EIF4EBP1: variants seen among roughly 807,000 people sequenced by gnomAD.
The protein encoded by EIF4EBP1 is eukaryotic translation initiation factor 4E binding protein 1, also known as eukaryotic translation initiation factor 4E-binding protein 1.
In EIF4EBP1, 5 loss-of-function variants were observed where a neutral mutation model predicts 9.2. That is an observed-to-expected ratio of 0.54 (90% CI 0.28 to 1.14). The LOEUF is 1.14. Among genes scored for constraint, EIF4EBP1 ranks in the 50% most tolerant of loss-of-function variants. The pLI, the probability that EIF4EBP1 is intolerant of heterozygous loss-of-function variation, is 0.09. For missense variants in EIF4EBP1, 139 were observed against 169.6 expected (o/e 0.82, Z 1.00); for synonymous variants, 62 against 67.0 (o/e 0.93, Z 0.36).
At chr8:38,038,166 T>G (rs2130382166) in intron 1 of EIF4EBP1, among the ~76,000 whole-genome samples, 1 of 152,232 alleles carries the variant, frequency 6.6e-6, no homozygotes, top group East Asian at 1.9e-4. Context: ...TACGATGGTA[T>G]GAAAGTGATA....
chr8:38,060,026 T>C lies in EIF4EBP1; in HGVS notation c.*91T>C. 3 of 1,335,438 alleles carry C rather than the reference T, an allele frequency of 2.2e-6. No individual in the cohort carries two copies. Among genetic ancestry groups the C allele is most frequent in the South Asian group, 2.3e-5 (2 of 85,506 alleles). 82.7% of individuals were successfully genotyped at this position (1,335,438 alleles called of 1,614,324 possible). ...CAGCCAGGCCTTATGAAAGTGATCATACTGGGCAGGCGTTGGCGTGGGGTC... is the reference window on the plus strand; with the variant it reads ...CAGCCAGGCCTTATGAAAGTGATCACACTGGGCAGGCGTTGGCGTGGGGTC... On this transcript the variant is annotated 3_prime_UTR_variant, in exon 3 of 3. Transcript: ENST00000338825.
At chr8:38,034,166 C>T (rs1224251867) in intron 1 of EIF4EBP1, among the ~76,000 whole-genome samples, 2 of 152,102 alleles carry the variant, frequency 1.3e-5, no homozygotes, top group African/African-American at 4.8e-5. Flanking sequence ...CCTGCCTCAG[C>T]CTTGCAAGTA....
At chr8:38,058,953 G>A (rs1164995577) in intron 2 of EIF4EBP1, among the ~76,000 whole-genome samples, 8 of 152,074 alleles carry the variant, frequency 5.3e-5, no homozygotes, top group Admixed American at 5.2e-4. Flanking sequence ...GCATGGTGGT[G>A]CATGCCTGTA....
At chr8:38,048,572 G>A (rs373246000) in intron 1 of EIF4EBP1, among the ~76,000 whole-genome samples, 2 of 152,182 alleles carry the variant, frequency 1.3e-5, no homozygotes, top group East Asian at 1.9e-4. Context: ...AAGATTTGGA[G>A]TAACAGTTTG....
chr8:38,049,959 C>G (rs573192258), intron 1 of EIF4EBP1, among the ~76,000 whole-genome samples: 1 of 151,636 alleles, frequency 6.6e-6, no homozygotes, highest in African/African-American at 2.4e-5. Context: ...TCCCCAGGCC[C>G]GGAGTGCAGT....
intron 1 of EIF4EBP1, among the ~76,000 whole-genome samples, chr8:38,042,072 T>C (rs1234443559): frequency 6.6e-6 from 1 of 151,960 alleles, no homozygotes; most frequent in African/African-American, 2.4e-5. Flanking sequence ...GTGTTGAGCC[T>C]TCATTGCAGG....
intron 1 of EIF4EBP1, among the ~76,000 whole-genome samples, chr8:38,055,347 AAAAT>A (rs1809581665): frequency 1.3e-5 from 2 of 152,272 alleles, no homozygotes; most frequent in Admixed American, 1.3e-4. Flanking sequence ...TCAAAAAAGT[AAAAT>A]AAAGTGTAAG....
Position 38,041,826 on chromosome 8 carries a change from A to C in EIF4EBP1, c.145+11108A>C, listed in dbSNP as rs529531302. 3.1e-3 allele frequency among the ~76,000 whole-genome samples: 465 copies of C among 152,216 alleles called. 3 individuals carry two copies. The highest frequency in any genetic ancestry group is 5.2e-3 in the Non-Finnish European group (356 of 68,006). The stretch of plus-strand genomic sequence containing the variant: ...GGCAACATAGTGAGACCCTGTCTTT[A>C]CAAAAAAATTTTAAAACTAGCCAGG... On this transcript the variant is annotated intron_variant, in intron 1 of 2. Transcript: ENST00000338825.
rs754246125 is a variant in EIF4EBP1, at chr8:38,030,741, C to G, written c.145+23C>G. On this transcript the variant is annotated intron_variant, in intron 1 of 2. Transcript: ENST00000338825. The stretch of plus-strand genomic sequence containing the variant: ...GAGGTAGGCGCGGGCTTGGCGACGC[C>G]GCTTGCCGGCTCCTGGGCGGGCGGG... The G allele has an allele frequency of 7.3e-6, 10 of 1,374,500 alleles. No homozygotes were observed. In the East Asian group the frequency reaches 2.8e-4, roughly 38 times the overall value. The allele number at this position is 1,374,500 out of a possible 1,614,324, so 85.1% of individuals were successfully genotyped here.
In EIF4EBP1 at chr8:38,042,462, C is replaced by T. The variant is rs1809395207; in HGVS notation, c.145+11744C>T. 4.6e-5 allele frequency among the ~76,000 whole-genome samples: 7 copies of T among 152,254 alleles called. No individual in the cohort carries two copies. The South Asian group carries it at 1.4e-3, about 31-fold the overall frequency. On this transcript the variant is annotated intron_variant, in intron 1 of 2. Coordinates refer to ENST00000338825, the MANE Select transcript of EIF4EBP1 (RefSeq NM_004095.4). ...TTACTATGGCTGCCATAACAAAATA[C>T]CACAGATTGGGTGCTTTAAACAAAA...
At chr8:38,055,049 C>T (rs1472060304) in intron 1 of EIF4EBP1, among the ~76,000 whole-genome samples, 1 of 152,196 alleles carries the variant, frequency 6.6e-6, no homozygotes, top group East Asian at 1.9e-4. Context: ...GTATCACTGC[C>T]TCTCCTGCAA....
chr8:38,053,234 T>G (rs1293205129), intron 1 of EIF4EBP1, among the ~76,000 whole-genome samples: 1 of 151,910 alleles, frequency 6.6e-6, no homozygotes, highest in African/African-American at 2.4e-5. Flanking sequence ...ACCAGGCTGG[T>G]CTTGAACTCC....
chr8:38,051,282 C>T (rs1014444719), intron 1 of EIF4EBP1, among the ~76,000 whole-genome samples: 1 of 152,196 alleles, frequency 6.6e-6, no homozygotes, highest in African/African-American at 2.4e-5. Context: ...CCCATGAGAT[C>T]GTTGACCGCT....
chr8:38,041,090 G>A (rs1388868393), intron 1 of EIF4EBP1, among the ~76,000 whole-genome samples: 2 of 151,458 alleles, frequency 1.3e-5, no homozygotes, highest in Non-Finnish European at 2.9e-5. Context: ...GTGAGCCATC[G>A]CGCCTGGCCT....
chr8:38,046,596 G>A (rs1386726731), intron 1 of EIF4EBP1, among the ~76,000 whole-genome samples: 1 of 152,140 alleles, frequency 6.6e-6, no homozygotes, highest in East Asian at 1.9e-4. Context: ...GACCCTGCAG[G>A]TCATGATAAT....
At chr8:38,042,602 C>T (rs1198743985) in intron 1 of EIF4EBP1, among the ~76,000 whole-genome samples, 1 of 152,208 alleles carries the variant, frequency 6.6e-6, no homozygotes, top group Non-Finnish European at 1.5e-5. Flanking sequence ...TGTATCTGCA[C>T]ATGGGCCTTC....
intron 2 of EIF4EBP1, among the ~76,000 whole-genome samples, chr8:38,059,065 G>A (rs1276744927): frequency 6.6e-6 from 1 of 152,026 alleles, no homozygotes; most frequent in Non-Finnish European, 1.5e-5. Context: ...GCCTGGCCAA[G>A]AGAGTGAGAC....
At chr8:38,045,692 G>A (rs1809440016) in intron 1 of EIF4EBP1, among the ~76,000 whole-genome samples, 1 of 152,018 alleles carries the variant, frequency 6.6e-6, no homozygotes, top group South Asian at 2.1e-4. Flanking sequence ...GCAGCAGACC[G>A]AGACTCTATC....
intron 1 of EIF4EBP1, 54 bp downstream of exon 1, chr8:38,030,772 C>G (rs1160962558): frequency 7.3e-7 from 1 of 1,371,336 alleles, no homozygotes; most frequent in Non-Finnish European, 9.4e-7. Context: ...GCGGGAGGAT[C>G]GGGAATCGCG....
Sources: gnomAD v4.1 joint callset for allele counts (sites outside exome capture counted in the v4.1 genomes callset) on GRCh38, gnomAD v4.1.1 for gene constraint, MANE v1.5 for transcripts, NCBI Gene and HGNC (gene_info 2026-07-23, HGNC 2026-07-21) for gene names.